KHDRBS3: variants seen among roughly 807,000 people sequenced by gnomAD.
KHDRBS3 encodes KH domain-containing, RNA-binding, signal transduction-associated protein 3.
A neutral mutation model predicts 45.6 loss-of-function variants in KHDRBS3; 23 were observed. The observed-to-expected ratio is 0.50, with a 90% CI of 0.36 to 0.72. The LOEUF (loss-of-function observed/expected upper bound fraction) is 0.72, where lower values mean the gene tolerates loss of function less well. Ranked by LOEUF, KHDRBS3 falls within the 30% of genes least tolerant of loss-of-function variation. KHDRBS3 has a pLI of 0.00. For synonymous variants in KHDRBS3, 162 were observed against 156.5 expected (o/e 1.04, Z -0.26); for missense variants, 352 against 424.8 (o/e 0.83, Z 1.51).
chr8:135,546,982 C>A (rs1826337551), intron 3 of KHDRBS3, among the ~76,000 whole-genome samples: 1 of 152,102 alleles, frequency 6.6e-6, no homozygotes, highest in African/African-American at 2.4e-5. Flanking sequence ...CAATTATAAT[C>A]TTTCATTAAC....
intron 1 of KHDRBS3, among the ~76,000 whole-genome samples, chr8:135,486,351 T>C (rs769721233): frequency 5.5e-4 from 84 of 152,218 alleles, no homozygotes; most frequent in Non-Finnish European, 3.7e-4. Flanking sequence ...GAATGGATGC[T>C]AAATAGGTGG....
At chr8:135,492,516 C>CATATATATATATATATACAT (rs1554616504) in intron 1 of KHDRBS3, among the ~76,000 whole-genome samples, 1 of 145,856 alleles carries the variant, frequency 6.9e-6, no homozygotes, top group African/African-American at 2.5e-5. Flanking sequence ...TATATATATA[C>CATATATATATATATATACAT]ATATATATAT....
At chr8:135,533,438 A>G (rs748603453) in intron 2 of KHDRBS3, among the ~76,000 whole-genome samples, 2 of 152,188 alleles carry the variant, frequency 1.3e-5, no homozygotes, top group African/African-American at 2.4e-5. Flanking sequence ...TAAGTATTGC[A>G]GTATTAACCA....
chr8:135,620,850 C>G (rs1037373479), intron 7 of KHDRBS3, among the ~76,000 whole-genome samples: 3 of 152,150 alleles, frequency 2.0e-5, no homozygotes, highest in Non-Finnish European at 4.4e-5. Context: ...TCCAGCGGAA[C>G]CTGCTGGACT....
chr8:135,580,623 T>TTA (rs397813640), intron 5 of KHDRBS3, among the ~76,000 whole-genome samples: 2,908 of 147,464 alleles, frequency 0.02, 100 homozygotes, highest in African/African-American at 0.069. Context: ...TTTTTTTTTT[T>TTA]AATTTTTCTG....
intron 7 of KHDRBS3, among the ~76,000 whole-genome samples, chr8:135,634,475 G>A (rs2131153545): frequency 1.3e-5 from 2 of 152,282 alleles, no homozygotes; most frequent in Middle Eastern, 3.4e-3. Context: ...GTTTTCAATG[G>A]AAAATTATGT....
intron 6 of KHDRBS3, 58 bp downstream of exon 6, chr8:135,582,131 G>T (rs556611502): frequency 7.1e-7 from 1 of 1,415,366 alleles, no homozygotes; most frequent in East Asian, 2.5e-5. Context: ...TCCAGACTTA[G>T]CACTGGATAT....
chr8:135,490,121 A>G (rs1252336649), intron 1 of KHDRBS3, among the ~76,000 whole-genome samples: 1 of 152,162 alleles, frequency 6.6e-6, no homozygotes, highest in African/African-American at 2.4e-5. Flanking sequence ...CTAGGTGTGT[A>G]GTGGACTGTA....
chr8:135,570,383 A>G (rs1008556044), intron 5 of KHDRBS3, among the ~76,000 whole-genome samples: 12 of 152,192 alleles, frequency 7.9e-5, no homozygotes, highest in African/African-American at 2.9e-4. Context: ...CTTTCCTTCT[A>G]TAGTGTATGA....
At chr8:135,565,258 T>C (rs1404294069) in intron 5 of KHDRBS3, among the ~76,000 whole-genome samples, 1 of 151,712 alleles carries the variant, frequency 6.6e-6, no homozygotes, top group Non-Finnish European at 1.5e-5. Flanking sequence ...TGGAGGGGAG[T>C]TTCTTTAGAG....
chr8:135,498,761 A>G (rs1042572380), intron 1 of KHDRBS3, among the ~76,000 whole-genome samples: 2 of 152,190 alleles, frequency 1.3e-5, no homozygotes, highest in Non-Finnish European at 2.9e-5. Context: ...TTAGTCATCT[A>G]AAATACGTTA....
intron 2 of KHDRBS3, among the ~76,000 whole-genome samples, chr8:135,526,898 T>C (rs1000922011): frequency 6.6e-6 from 1 of 151,876 alleles, no homozygotes; most frequent in Non-Finnish European, 1.5e-5. Context: ...TTTTTAGAAG[T>C]TTTTTTTAGA....
chr8:135,588,058 G>A (rs1054606508), intron 6 of KHDRBS3, among the ~76,000 whole-genome samples: 7 of 152,062 alleles, frequency 4.6e-5, no homozygotes, highest in African/African-American at 1.7e-4. Flanking sequence ...TAATTCTGAC[G>A]CCATTTACCA....
At chr8:135,586,977 G>A (rs925817125) in intron 6 of KHDRBS3, among the ~76,000 whole-genome samples, 2 of 152,196 alleles carry the variant, frequency 1.3e-5, no homozygotes, top group African/African-American at 2.4e-5. Flanking sequence ...CAGATTATGT[G>A]TACTGCAAGT....
chr8:135,520,244 A>G (rs1824839994), intron 1 of KHDRBS3, among the ~76,000 whole-genome samples: 1 of 152,162 alleles, frequency 6.6e-6, no homozygotes, highest in Non-Finnish European at 1.5e-5. Flanking sequence ...CGTCTTTGAT[A>G]CCTTCTCCAG....
chr8:135,561,932 A>G (rs1194259087), intron 5 of KHDRBS3, among the ~76,000 whole-genome samples: 1 of 152,146 alleles, frequency 6.6e-6, no homozygotes. Flanking sequence ...ACAGATTCAC[A>G]GTGTTTGTGT....
intron 2 of KHDRBS3, among the ~76,000 whole-genome samples, chr8:135,527,900 A>G (rs1203783811): frequency 6.6e-6 from 1 of 152,208 alleles, no homozygotes; most frequent in African/African-American, 2.4e-5. Context: ...ACGTTTCTGT[A>G]CATGAATGTT....
chr8:135,649,141 T>C (rs1449013689), downstream of KHDRBS3, among the ~76,000 whole-genome samples: 1 of 152,174 alleles, frequency 6.6e-6, no homozygotes, highest in Non-Finnish European at 1.5e-5. Flanking sequence ...TCTGGGGACC[T>C]ATAAAGGAAA....
chr8:135,599,193 A>G (rs1255113958), intron 6 of KHDRBS3, among the ~76,000 whole-genome samples: 2 of 152,350 alleles, frequency 1.3e-5, no homozygotes, highest in Admixed American at 6.5e-5. Context: ...GTAGCCTGGC[A>G]TCCGCCAAGC....
Sources: allele counts gnomAD v4.1 joint callset (sites outside exome capture counted in the v4.1 genomes callset), GRCh38; gene constraint gnomAD v4.1.1; transcripts MANE v1.5; gene names NCBI Gene and HGNC (gene_info 2026-07-23, HGNC 2026-07-21).